The following B3GAT1 variants were observed in gnomAD, a reference collection of about 807,000 sequenced individuals.
B3GAT1 encodes the protein galactosylgalactosylxylosylprotein 3-beta-glucuronosyltransferase 1.
A neutral mutation model predicts 28.4 loss-of-function variants in B3GAT1; 11 were observed. The observed-to-expected ratio is 0.39, with a 90% CI of 0.24 to 0.64. The LOEUF (loss-of-function observed/expected upper bound fraction) is 0.64. B3GAT1 is among the 30% of genes least tolerant of loss of function. The pLI, the probability that B3GAT1 is intolerant of heterozygous loss-of-function variation, is 0.50. For synonymous variants in B3GAT1, 255 were observed against 223.1 expected (o/e 1.14, Z -1.27); for missense variants, 375 against 491.0 (o/e 0.76, Z 2.23).
chr11:134,384,453 G>A (rs561758645), intron 2 of B3GAT1: 18 of 483,456 alleles, frequency 3.7e-5, no homozygotes, highest in African/African-American at 2.4e-4. Context: ...GAGCGCAGTT[G>A]CCCATATTCC....
At chr11:134,403,983 TTATATATATATATATATATATATA>T (rs55794505) in intron 1 of B3GAT1, among the ~76,000 whole-genome samples, 63 of 40,684 alleles carry the variant, frequency 1.5e-3, no homozygotes, top group East Asian at 4.0e-3. Flanking sequence ...GTTTCTTTCT[TTATATATATATATATATATATATA>T]TATATATATA....
chr11:134,400,826 C>T (rs931823692), intron 1 of B3GAT1, among the ~76,000 whole-genome samples: 65 of 152,264 alleles, frequency 4.3e-4, no homozygotes, highest in African/African-American at 1.3e-3. Context: ...ACAGAGTGAA[C>T]GGACAACCTA....
In B3GAT1 at chr11:134,383,817, G is replaced by A. The variant is rs746356457; in HGVS notation, c.484C>T (p.Arg162Cys). Residue 162 changes from arginine to cysteine, a missense_variant, in exon 3 of 6, where the codon CGC (arginine) becomes TGC (cysteine). Physicochemically the swap from Arg to Cys is radical, Grantham distance 180. Transcript: ENST00000312527. ...CGCTGCATGGTGCCCCGCGGGATGC[G>A]TGGGTCGCGGGCGTCTCCGCGCAGC... ...YKLRGDARDP[R>C]IPRGTMQRNL... The A allele has an allele frequency of 1.9e-6, 3 of 1,595,840 alleles. No individual in the cohort carries two copies. The highest frequency in any genetic ancestry group is 1.1e-5 in the South Asian group (1 of 89,022).
chr11:134,393,112 A>C lies in B3GAT1; in HGVS notation c.-281-5172T>G, dbSNP rs1944443274. ...GCGTGTGCGTGGTAGGTTACAAACAAGCTCAGACACTGTCCGAGGTACTCA... is the reference window on the plus strand; with the variant it reads ...GCGTGTGCGTGGTAGGTTACAAACACGCTCAGACACTGTCCGAGGTACTCA... On this transcript the variant is annotated intron_variant, in intron 1 of 5. Coordinates refer to ENST00000312527, the MANE Select transcript of B3GAT1 (RefSeq NM_054025.3). The surrounding 1 kb of genome is among the most constrained non-coding windows in gnomAD (Gnocchi z 4.0). Among the ~76,000 whole-genome samples the C allele has an allele frequency of 6.6e-6, 1 of 152,188 alleles. No homozygotes were observed. The highest frequency in any genetic ancestry group is 2.4e-5 in the African/African-American group (1 of 41,454).
At chr11:134,382,089 C>T in intron 4 of B3GAT1, 65 bp from the exon 5 acceptor site, 1 of 1,323,878 alleles carries the variant, frequency 7.6e-7, no homozygotes, top group Non-Finnish European at 1.1e-6. Context: ...TGCCTCCCTG[C>T]TCCCTCCCAC....
chr11:134,395,482 G>A (rs1213320971), intron 1 of B3GAT1, among the ~76,000 whole-genome samples: 2 of 152,080 alleles, frequency 1.3e-5, no homozygotes, highest in Non-Finnish European at 2.9e-5. Context: ...ATGACCGGAC[G>A]ATGGTGCACA....
At position 134,411,547 on chromosome 11, in the gene B3GAT1, C is replaced by T. The variant is rs1393585064; in HGVS notation, c.-282+260G>A. Among the ~76,000 whole-genome samples, 2 of 152,154 alleles carry T rather than the reference C, an allele frequency of 1.3e-5. No individual in the cohort carries two copies. The highest frequency in any genetic ancestry group is 2.4e-5 in the African/African-American group (1 of 41,444). ...AGAAGCTGCTGAGAACCAGCTCTTC[C>T]CCTAATCCCGGTCGACGAGGGCAGG... On this transcript the variant is annotated intron_variant, in intron 1 of 5. Coordinates refer to ENST00000312527, the MANE Select transcript of B3GAT1 (RefSeq NM_054025.3). The surrounding 1 kb of genome is among the most constrained non-coding windows in gnomAD (Gnocchi z 6.0).
chr11:134,387,193 C>T (rs1944308262), intron 2 of B3GAT1: 1 of 269,042 alleles, frequency 3.7e-6, no homozygotes, highest in Admixed American at 4.8e-5. Flanking sequence ...ACTAAAGACT[C>T]CCACTCCCTC....
Position 134,383,861 on chromosome 11 carries a change from T to G in B3GAT1, c.440A>C (p.Glu147Ala). The G allele has an allele frequency of 6.3e-7, 1 of 1,597,002 alleles. No homozygotes were observed. Among genetic ancestry groups the G allele is most frequent in the Non-Finnish European group, 8.5e-7 (1 of 1,174,944 alleles). Residue 147 changes from glutamate to alanine, a missense_variant, in exon 3 of 6, where the codon GAG becomes GCG. Coordinates refer to ENST00000312527, the MANE Select transcript of B3GAT1 (RefSeq NM_054025.3). ...GCGCAGCTTGTAGTTGCGGGGCGTC[T>G]CCACGTGCAGGTGCGTGTAGTTGAG... is the stretch of plus-strand genomic sequence containing the variant. ...TGLNYTHLHV[E>A]TPRNYKLRGD...
At chr11:134,392,288 G>C (rs944774581) in intron 1 of B3GAT1, 1 of 152,074 alleles carries the variant, frequency 6.6e-6, no homozygotes, top group Non-Finnish European at 1.5e-5. Context: ...TTAAGGGCCC[G>C]TGGAACTGAG....
At chr11:134,407,607 C>T (rs1390968225) in intron 1 of B3GAT1, among the ~76,000 whole-genome samples, 1 of 152,232 alleles carries the variant, frequency 6.6e-6, no homozygotes, top group Non-Finnish European at 1.5e-5. Context: ...AGCCTTAATC[C>T]CTGCCAGGCA....
chr11:134,384,421 C>T (rs1944224731), intron 2 of B3GAT1: 2 of 518,370 alleles, frequency 3.9e-6, no homozygotes, highest in South Asian at 4.0e-5. Flanking sequence ...TCCTTCCCAC[C>T]TTTGCAGCCC....
At chr11:134,404,716 C>T (rs543944290) in intron 1 of B3GAT1, among the ~76,000 whole-genome samples, 8 of 152,342 alleles carry the variant, frequency 5.3e-5, no homozygotes, top group East Asian at 1.9e-4. Context: ...AGCCTGCAAC[C>T]GCCTCGCTGT....
At chr11:134,404,579 CTG>C (rs1208522622) in intron 1 of B3GAT1, among the ~76,000 whole-genome samples, 1 of 152,180 alleles carries the variant, frequency 6.6e-6, no homozygotes. Flanking sequence ...GGTTGGGTGT[CTG>C]TGTGTGATCT....
intron 1 of B3GAT1, among the ~76,000 whole-genome samples, chr11:134,397,362 G>A (rs1002785751): frequency 1.2e-4 from 19 of 152,014 alleles, no homozygotes; most frequent in African/African-American, 1.7e-4. Flanking sequence ...CCTGCCCTGC[G>A]CCCGCCCACC....
intron 2 of B3GAT1, 51 bp downstream of exon 2, chr11:134,387,497 C>T: frequency 6.2e-7 from 1 of 1,605,124 alleles, no homozygotes; most frequent in Non-Finnish European, 8.5e-7. Context: ...GCTGTGGTCA[C>T]TGTCACTACC....
At chr11:134,407,564 C>T (rs926732390) in intron 1 of B3GAT1, among the ~76,000 whole-genome samples, 2 of 152,250 alleles carry the variant, frequency 1.3e-5, no homozygotes, top group African/African-American at 2.4e-5. Context: ...GATCCAGACT[C>T]ATACTCTCCA....
intron 1 of B3GAT1, among the ~76,000 whole-genome samples, chr11:134,398,273 G>T (rs1359952044): frequency 6.6e-6 from 1 of 152,188 alleles, no homozygotes; most frequent in African/African-American, 2.4e-5. Flanking sequence ...GTTGCTCTGT[G>T]CCCTGTTGAC....
intron 1 of B3GAT1, among the ~76,000 whole-genome samples, chr11:134,406,545 T>TG (rs984709852): frequency 0.01 from 42 of 4,064 alleles, no homozygotes; most frequent in African/African-American, 0.026. Flanking sequence ...ATTGGGTGGG[T>TG]GGGGGGGCGG....
Sources: gnomAD v4.1 joint callset for allele counts (sites outside exome capture counted in the v4.1 genomes callset) on GRCh38, gnomAD v4.1.1 for gene constraint, Gnocchi (gnomAD v3.1) non-coding constraint, MANE v1.5 for transcripts, NCBI Gene and HGNC (gene_info 2026-07-23, HGNC 2026-07-21) for gene names.